The following PEX7 variants were observed in gnomAD, a reference collection of about 807,000 sequenced individuals.
PEX7 encodes the protein peroxisomal biogenesis factor 7.
In PEX7, 34 loss-of-function variants were observed where a neutral mutation model predicts 47.5. That is an observed-to-expected ratio of 0.72 (90% CI 0.54 to 0.95). The LOEUF is 0.95. PEX7 is among the 40% of genes least tolerant of loss of function. PEX7 has a pLI of 0.00. For synonymous variants in PEX7, 141 were observed against 148.8 expected (o/e 0.95, Z 0.38); for missense variants, 394 against 400.3 (o/e 0.98, Z 0.13).
At chr6:136,839,685 A>G (rs989388469) in intron 3 of PEX7, among the ~76,000 whole-genome samples, 2 of 152,222 alleles carry the variant, frequency 1.3e-5, no homozygotes, top group African/African-American at 4.8e-5. Flanking sequence ...GAGGTTGGGA[A>G]TAAGGAAGAG....
chr6:136,842,002 C>CT (rs1201074060), intron 3 of PEX7, among the ~76,000 whole-genome samples: 5,516 of 139,750 alleles, frequency 0.039, 334 homozygotes, highest in African/African-American at 0.12. Context: ...TTTTCTTTTT[C>CT]TTTTTTTTTT....
intron 5 of PEX7, among the ~76,000 whole-genome samples, chr6:136,864,067 G>A (rs1009244108): frequency 3.3e-5 from 5 of 152,040 alleles, no homozygotes; most frequent in Admixed American, 1.3e-4. Flanking sequence ...TTACTATCCT[G>A]GGTGAGTTAT....
intron 9 of PEX7, among the ~76,000 whole-genome samples, chr6:136,908,450 T>C (rs1775879129): frequency 6.6e-6 from 1 of 152,210 alleles, no homozygotes; most frequent in South Asian, 2.1e-4. Context: ...TTTTTTTCTG[T>C]AATGTCAGTA....
At chr6:136,835,587 A>G (rs995177092) in intron 3 of PEX7, among the ~76,000 whole-genome samples, 1 of 151,978 alleles carries the variant, frequency 6.6e-6, no homozygotes, top group South Asian at 2.1e-4. Flanking sequence ...GCATCCAGCC[A>G]GGAGCTTTAA....
At chr6:136,885,498 C>T (rs576155047) in intron 8 of PEX7, among the ~76,000 whole-genome samples, 17 of 152,324 alleles carry the variant, frequency 1.1e-4, no homozygotes, top group African/African-American at 4.1e-4. Flanking sequence ...CCTATGTCAG[C>T]AACATTAATG....
intron 3 of PEX7, among the ~76,000 whole-genome samples, chr6:136,829,398 G>A (rs1412943404): frequency 6.6e-6 from 1 of 152,148 alleles, no homozygotes; most frequent in Non-Finnish European, 1.5e-5. Context: ...AAGAGAATGA[G>A]AGAGGTTTGG....
chr6:136,907,463 T>A (rs1775863833), intron 9 of PEX7, among the ~76,000 whole-genome samples: 1 of 151,812 alleles, frequency 6.6e-6, no homozygotes, highest in African/African-American at 2.4e-5. Context: ...TGGCTGCTTT[T>A]TCAAAATGTA....
chr6:136,861,811 C>T (rs1250586262), intron 5 of PEX7, among the ~76,000 whole-genome samples: 1 of 150,484 alleles, frequency 6.6e-6, no homozygotes, highest in African/African-American at 2.4e-5. Context: ...GCTCTGCAGA[C>T]TGGCTTTCTC....
chr6:136,823,171 A>G, intron 1 of PEX7: 1 of 985,396 alleles, frequency 1.0e-6, no homozygotes, highest in Non-Finnish European at 1.2e-6. Context: ...AGTACGGGGA[A>G]GACGGTCTGA....
At chr6:136,845,496 T>C in intron 3 of PEX7, 119 bp from the exon 4 acceptor site, 2 of 727,268 alleles carry the variant, frequency 2.8e-6, no homozygotes, top group Admixed American at 2.0e-5. Context: ...ATAGGAATTA[T>C]TTGATGTTTT....
intron 6 of PEX7, among the ~76,000 whole-genome samples, chr6:136,867,025 A>T (rs1213754115): frequency 6.6e-6 from 1 of 152,160 alleles, no homozygotes; most frequent in Non-Finnish European, 1.5e-5. Flanking sequence ...TATTGCTCTT[A>T]ACCCTGCAAT....
chr6:136,898,819 T>TA (rs369186191), intron 9 of PEX7, among the ~76,000 whole-genome samples: 59 of 151,674 alleles, frequency 3.9e-4, no homozygotes, highest in East Asian at 2.7e-3. Flanking sequence ...TTTTTTTTTT[T>TA]AAAAAAGCCT....
At chr6:136,902,236 A>T (rs1002613990) in intron 9 of PEX7, among the ~76,000 whole-genome samples, 1 of 152,110 alleles carries the variant, frequency 6.6e-6, no homozygotes, top group South Asian at 2.1e-4. Context: ...ATCTGCTTTC[A>T]TATACCTATT....
intron 8 of PEX7, among the ~76,000 whole-genome samples, chr6:136,894,374 G>A (rs1009368434): frequency 9.9e-5 from 15 of 151,658 alleles, no homozygotes; most frequent in Non-Finnish European, 1.9e-4. Flanking sequence ...GGCAGATCAC[G>A]AGGTCAGGAG....
At chr6:136,888,022 C>G (rs767126979) in intron 8 of PEX7, among the ~76,000 whole-genome samples, 1 of 151,630 alleles carries the variant, frequency 6.6e-6, no homozygotes, top group Non-Finnish European at 1.5e-5. Context: ...CTTTTTTGAT[C>G]CTTATGTTTA....
intron 8 of PEX7, among the ~76,000 whole-genome samples, chr6:136,891,045 A>G (rs1238370186): frequency 6.6e-6 from 1 of 152,234 alleles, no homozygotes; most frequent in African/African-American, 2.4e-5. Context: ...CCAGTAAGCA[A>G]TACACAAACC....
chr6:136,868,114 A>T (rs1775108339), intron 6 of PEX7, among the ~76,000 whole-genome samples: 1 of 152,220 alleles, frequency 6.6e-6, no homozygotes, highest in Admixed American at 6.5e-5. Flanking sequence ...GTACAGTAAC[A>T]TGCTGGACAG....
chr6:136,834,525 C>T (rs1774352355), intron 3 of PEX7, among the ~76,000 whole-genome samples: 1 of 152,210 alleles, frequency 6.6e-6, no homozygotes, highest in Non-Finnish European at 1.5e-5. Flanking sequence ...CTGAAAAGGA[C>T]ATTTCTGATG....
intron 8 of PEX7, among the ~76,000 whole-genome samples, chr6:136,878,119 G>A (rs1354288018): frequency 6.6e-6 from 1 of 152,180 alleles, no homozygotes; most frequent in East Asian, 1.9e-4. Context: ...TATTATTGGT[G>A]CATAGGAATG....
Sources: allele counts gnomAD v4.1 joint callset (sites outside exome capture counted in the v4.1 genomes callset), GRCh38; gene constraint gnomAD v4.1.1; transcripts MANE v1.5; gene names NCBI Gene and HGNC (gene_info 2026-07-23, HGNC 2026-07-21).